GRM1: variants seen among roughly 807,000 people sequenced by gnomAD.
GRM1 encodes metabotropic glutamate receptor 1.
Under a neutral mutation model 90.9 loss-of-function variants are expected in GRM1, and 33 were observed. That is an observed-to-expected ratio of 0.36 (90% CI 0.28 to 0.49). The LOEUF is 0.49. Among genes scored for constraint, GRM1 ranks in the 20% least tolerant of loss-of-function variants. The pLI, the probability that GRM1 is intolerant of heterozygous loss-of-function variation, is 0.99. For synonymous variants in GRM1, 700 were observed against 613.2 expected (o/e 1.14, Z -2.09); for missense variants, 1,190 against 1,534.3 (o/e 0.78, Z 3.75).
intron 1 of GRM1, among the ~76,000 whole-genome samples, chr6:146,080,376 C>A (rs1409672755): frequency 2.0e-5 from 3 of 152,116 alleles, no homozygotes; most frequent in Non-Finnish European, 4.4e-5. Context: ...CTACAAAACA[C>A]AAAAACAGAG....
intron 1 of GRM1, among the ~76,000 whole-genome samples, chr6:146,085,744 C>T (rs1001998347): frequency 6.6e-6 from 1 of 152,110 alleles, no homozygotes; most frequent in Non-Finnish European, 1.5e-5. Flanking sequence ...ACATTAATCT[C>T]AACACCCTAA....
At chr6:146,179,267 C>G (rs1016636905) in intron 2 of GRM1, among the ~76,000 whole-genome samples, 1 of 152,130 alleles carries the variant, frequency 6.6e-6, no homozygotes, top group Non-Finnish European at 1.5e-5. Flanking sequence ...ATGCCATGCC[C>G]CCGCTGGAAA....
At chr6:146,391,986 A>G (rs1423698493) in intron 6 of GRM1, among the ~76,000 whole-genome samples, 2 of 152,162 alleles carry the variant, frequency 1.3e-5, no homozygotes, top group African/African-American at 4.8e-5. Flanking sequence ...GATGCACTGT[A>G]TAGGACAGAG....
At chr6:146,270,206 G>A (rs561243650) in intron 2 of GRM1, among the ~76,000 whole-genome samples, 3 of 151,992 alleles carry the variant, frequency 2.0e-5, no homozygotes, top group Non-Finnish European at 4.4e-5. Flanking sequence ...AAGCAAACAA[G>A]GCACTTGTGA....
intron 1 of GRM1, among the ~76,000 whole-genome samples, chr6:146,095,096 T>A (rs1776834557): frequency 6.6e-6 from 1 of 152,060 alleles, no homozygotes; most frequent in Admixed American, 6.6e-5. Context: ...ATAGAGTGAG[T>A]CTTAGATAAC....
intron 6 of GRM1, among the ~76,000 whole-genome samples, chr6:146,388,262 T>C (rs1776581202): frequency 6.6e-6 from 1 of 151,992 alleles, no homozygotes; most frequent in African/African-American, 2.4e-5. Flanking sequence ...TGAAGTTGTA[T>C]GGCCAAAGTC....
intron 2 of GRM1, among the ~76,000 whole-genome samples, chr6:146,251,253 C>T (rs1000027713): frequency 6.6e-6 from 1 of 152,194 alleles, no homozygotes; most frequent in Admixed American, 6.5e-5. Flanking sequence ...AATACTGACT[C>T]CATGTCTATT....
intron 2 of GRM1, among the ~76,000 whole-genome samples, chr6:146,236,045 T>C (rs1452898864): frequency 2.6e-5 from 4 of 152,240 alleles, no homozygotes; most frequent in Middle Eastern, 3.4e-3. Flanking sequence ...GCCTTGTTTT[T>C]AGGCAGGCCT....
intron 1 of GRM1, among the ~76,000 whole-genome samples, chr6:146,087,895 A>G (rs1290167267): frequency 1.3e-5 from 2 of 152,124 alleles, no homozygotes; most frequent in Non-Finnish European, 2.9e-5. Context: ...TAAAGTTGTT[A>G]TGGACATTTG....
chr6:146,100,587 A>G (rs190472710), intron 1 of GRM1, among the ~76,000 whole-genome samples: 104 of 152,306 alleles, frequency 6.8e-4, no homozygotes, highest in Non-Finnish European at 1.3e-3. Context: ...AACTTAAAAT[A>G]TATTTCTTTG....
rs771296715 is a variant in GRM1, at chr6:146,043,782, G to GAGATAT, written c.700+13566_700+13567insGATATA. ...ACTCTATTTTTGGAAAGAGTCAGGT[G>GAGATAT]ATATATATATATATATATATATATA... is the stretch of plus-strand genomic sequence containing the variant. On this transcript the variant is annotated intron_variant, in intron 1 of 7. Coordinates refer to ENST00000282753, the MANE Select transcript of GRM1 (RefSeq NM_001278064.2). Among the ~76,000 whole-genome samples, 100 of 89,982 alleles carry GAGATAT rather than the reference G, an allele frequency of 1.1e-3. 3 individuals carry two copies. The highest frequency in any genetic ancestry group is 1.0e-2 in the East Asian group (36 of 3,602). The allele number at this position is 89,982 out of a possible 152,430, so 59.0% of individuals were successfully genotyped here.
rs1785437329 is a variant in GRM1 at position 146,352,326 on chromosome 6, A to C, written c.1263A>C (p.Ala421=). The change falls in exon 4 of 8, where the codon GCA becomes GCC. Residue 421 remains alanine, a synonymous_variant. Transcript: ENST00000282753. ...TCATCAATGCCATCTATGCCATGGC[A>C]CATGGGCTGCAGAACATGCACCATG... The part of the protein sequence containing the change: ...GFVINAIYAM[A]HGLQNMHHAL... The C allele has an allele frequency of 6.2e-7, 1 of 1,614,010 alleles. No homozygotes were observed. Among genetic ancestry groups the C allele is most frequent in the South Asian group, 1.1e-5 (1 of 91,090 alleles).
intron 2 of GRM1, among the ~76,000 whole-genome samples, chr6:146,303,613 G>A (rs1562594365): frequency 6.6e-6 from 1 of 152,112 alleles, no homozygotes; most frequent in South Asian, 2.1e-4. Flanking sequence ...CAGTTTCTGT[G>A]GGATGGCAGG....
chr6:146,257,031 T>G (rs1781503780), intron 2 of GRM1, among the ~76,000 whole-genome samples: 1 of 152,188 alleles, frequency 6.6e-6, no homozygotes, highest in African/African-American at 2.4e-5. Context: ...TTTTTCCACC[T>G]AAAGAATAGT....
intron 1 of GRM1, among the ~76,000 whole-genome samples, chr6:146,150,938 G>GCACACACA (rs143821112): frequency 0.023 from 3,531 of 150,776 alleles, 46 homozygotes; most frequent in Non-Finnish European, 0.028. Flanking sequence ...GCGTGTGCGC[G>GCACACACA]CACACACACA....
intron 2 of GRM1, among the ~76,000 whole-genome samples, chr6:146,243,507 C>T (rs1780940203): frequency 1.3e-5 from 2 of 151,962 alleles, no homozygotes; most frequent in African/African-American, 4.8e-5. Flanking sequence ...TTACAGAATA[C>T]AATGTAAGAA....
At chr6:146,264,202 A>G (rs942913255) in intron 2 of GRM1, among the ~76,000 whole-genome samples, 23 of 152,220 alleles carry the variant, frequency 1.5e-4, no homozygotes, top group Non-Finnish European at 2.8e-4. Context: ...TGAGGACTGT[A>G]TGGTTTGGAA....
intron 1 of GRM1, among the ~76,000 whole-genome samples, chr6:146,132,159 T>C (rs577038187): frequency 1.3e-5 from 2 of 152,186 alleles, no homozygotes; most frequent in Admixed American, 6.5e-5. Context: ...TTTTGGACTT[T>C]ATCCTAAGTG....
At chr6:146,243,970 T>G (rs1032751029) in intron 2 of GRM1, among the ~76,000 whole-genome samples, 1 of 152,280 alleles carries the variant, frequency 6.6e-6, no homozygotes, top group East Asian at 1.9e-4. Flanking sequence ...TTTCTCCTAT[T>G]TGCTTTTGAA....
Sources: allele counts gnomAD v4.1 joint callset (sites outside exome capture counted in the v4.1 genomes callset), GRCh38; gene constraint gnomAD v4.1.1; transcripts MANE v1.5; gene names NCBI Gene and HGNC (gene_info 2026-07-23, HGNC 2026-07-21).